GATD1: variants seen among roughly 807,000 people sequenced by gnomAD.
GATD1 encodes glutamine amidotransferase class 1 domain containing 1.
GATD1 carries 23 observed loss-of-function variants against 25.9 expected under a neutral mutation model. The observed-to-expected ratio is 0.89, with a 90% CI of 0.64 to 1.26. The LOEUF is 1.26. Ranked by LOEUF, GATD1 falls within the 50% of genes most tolerant of loss-of-function variation. GATD1 has a pLI of 0.00. For synonymous variants in GATD1, 177 were observed against 134.6 expected, an observed-to-expected ratio of 1.31 and a Z score of -2.18; for missense variants, 347 against 312.5, an observed-to-expected ratio of 1.11 and a Z score of -0.83.
rs1863454685 is a variant in GATD1, at chr11:771,604, C to T, written c.451-178G>A. 21 of 1,379,890 alleles carry T rather than the reference C, an allele frequency of 1.5e-5. No homozygotes were observed. The South Asian group carries it at 3.3e-4, about 22-fold the overall frequency. 85.5% of individuals were successfully genotyped at this position (1,379,890 alleles called of 1,614,324 possible). A position where few individuals can be genotyped will look rare whatever the true frequency, so the allele number is the denominator to read the frequency against. On this transcript the variant is annotated intron_variant, in intron 5 of 7. Coordinates refer to ENST00000319863, the MANE Select transcript of GATD1 (RefSeq NM_182612.4). Reference sequence around the variant, plus strand: ...GGGCGGAGAGATGACAAAGTCTAGCCATCTTCCCATGGGGTGTCCCTGAGA... The same window carrying T: ...GGGCGGAGAGATGACAAAGTCTAGCTATCTTCCCATGGGGTGTCCCTGAGA...
At chr11:772,393 G>A (rs1863535515) in intron 5 of GATD1, 34 bp downstream of exon 5, 1 of 1,511,708 alleles carries the variant, frequency 6.6e-7, no homozygotes, top group Non-Finnish European at 9.2e-7. Flanking sequence ...GACAGAGCAG[G>A]GAGCACAGCG....
At chr11:777,193 GCGACCCCACCCCCGCCCC>G (rs1308935706) in intron 1 of GATD1, 188 bp downstream of exon 1, 2 of 68,224 alleles carry the variant, frequency 2.9e-5, no homozygotes, top group African/African-American at 6.8e-5. Context: ...CCACCAACCC[GCGACCCCACCCCCGCCCC>G]CGTCCCCGCC....
rs992016608 is a variant in GATD1 at position 771,120 on chromosome 11, G to C, written c.545-16C>G. 6.3e-7 allele frequency: 1 copy of C among 1,574,934 alleles called. No individual in the cohort carries two copies. Among genetic ancestry groups the C allele is most frequent in the Non-Finnish European group, 8.6e-7 (1 of 1,163,628 alleles). On this transcript the variant is annotated splice_polypyrimidine_tract_variant and intron_variant, in intron 6 of 7. Transcript: ENST00000319863. ...GGCTCGCTTGCTGGGGAGGACCGAG[G>C]GCACCAACCTCAGGCAATGTCCACC... is the stretch of plus-strand genomic sequence containing the variant.
rs1471792508 is a variant in GATD1 at position 769,865 on chromosome 11, C to G, written c.*1032G>C. The G allele has an allele frequency of 5.3e-6, 5 of 936,170 alleles. No individual in the cohort carries two copies. In the South Asian group the frequency reaches 1.5e-4, roughly 28 times the overall value. The allele number at this position is 936,170 out of a possible 1,614,324, so 58.0% of individuals were successfully genotyped here. A position where few individuals can be genotyped will look rare whatever the true frequency, so the allele number is the denominator to read the frequency against. Reference sequence around the variant, plus strand: ...TCTCCTGACCTCGTGATCCGCCCGCCTCGGCCTCCCAAAGTGCTGGGGTTA... The same window carrying G: ...TCTCCTGACCTCGTGATCCGCCCGCGTCGGCCTCCCAAAGTGCTGGGGTTA... On this transcript the variant is annotated 3_prime_UTR_variant, in exon 8 of 8. Coordinates refer to ENST00000319863, the MANE Select transcript of GATD1 (RefSeq NM_182612.4).
Position 770,826 on chromosome 11 carries a change from C to A in GATD1, c.*71G>T. ...TTGTCAGGAGGGAAGAGGCGGGGTC[C>A]CTGAAGCCTGAGACGGGGCTGCCTC... On this transcript the variant is annotated 3_prime_UTR_variant, in exon 8 of 8. Transcript: ENST00000319863. The A allele has an allele frequency of 6.4e-7, 1 of 1,554,128 alleles. No homozygotes were observed. The highest frequency in any genetic ancestry group is 1.2e-5 in the South Asian group (1 of 81,688).
At position 770,552 on chromosome 11, in the gene GATD1, TGTCTA is replaced by T; in HGVS notation, c.*340_*344del. On this transcript the variant is annotated 3_prime_UTR_variant, in exon 8 of 8. Coordinates refer to ENST00000319863, the MANE Select transcript of GATD1 (RefSeq NM_182612.4). ...ACACAGAGGACCCCCGAGCCGACTCTGTCTAGTCAACAGTGACCACACGTGACAAC... is the reference window on the plus strand; with the variant it reads ...ACACAGAGGACCCCCGAGCCGACTCTGTCAACAGTGACCACACGTGACAAC... 1 of 1,411,628 alleles carries T rather than the reference TGTCTA, an allele frequency of 7.1e-7. No individual in the cohort carries two copies. Among genetic ancestry groups the T allele is most frequent in the Non-Finnish European group, 9.2e-7 (1 of 1,084,948 alleles). The allele number at this position is 1,411,628 out of a possible 1,614,324, so 87.4% of individuals were successfully genotyped here. A position where few individuals can be genotyped will look rare whatever the true frequency, so the allele number is the denominator to read the frequency against.
chr11:776,965 C>A (rs966494477), intron 1 of GATD1: 1 of 154,468 alleles, frequency 6.5e-6, no homozygotes, highest in Non-Finnish European at 1.4e-5. Flanking sequence ...GTCCCCGCGG[C>A]CGCCCGACCT....
chr11:772,353 C>A lies in GATD1; in HGVS notation c.450+74G>T, dbSNP rs185508071. On this transcript the variant is annotated intron_variant, in intron 5 of 7. Coordinates refer to ENST00000319863, the MANE Select transcript of GATD1 (RefSeq NM_182612.4). The stretch of plus-strand genomic sequence containing the variant: ...CCTCCAGGCACTCACCCTGGAGCCT[C>A]CGACCTCACCTCTGGCTGTGATGGG... 1.3e-3 allele frequency: 1,207 copies of A among 927,978 alleles called. 21 individuals carry two copies. In the African/African-American group the frequency reaches 0.018, roughly 14 times the overall value. The allele number at this position is 927,978 out of a possible 1,614,324, so 57.5% of individuals were successfully genotyped here.
In GATD1 at chr11:770,085, T is replaced by C. The variant is rs981753693; in HGVS notation, c.*812A>G. The C allele has an allele frequency of 7.5e-6, 9 of 1,204,440 alleles. No individual in the cohort carries two copies. The highest frequency in any genetic ancestry group is 9.3e-6 in the Non-Finnish European group (9 of 970,698). 74.6% of individuals were successfully genotyped at this position (1,204,440 alleles called of 1,614,324 possible). On this transcript the variant is annotated 3_prime_UTR_variant, in exon 8 of 8. Coordinates refer to ENST00000319863, the MANE Select transcript of GATD1 (RefSeq NM_182612.4). ...GGAAGTAGAGGGCCTAAGCCTCTCC[T>C]GGACGCCCTAACCTGGGGCCAGGGG...
In GATD1 at chr11:769,858, C is replaced by T. The variant is rs910058529; in HGVS notation, c.*1039G>A. On this transcript the variant is annotated 3_prime_UTR_variant, in exon 8 of 8. Coordinates refer to ENST00000319863, the MANE Select transcript of GATD1 (RefSeq NM_182612.4). Reference sequence around the variant, plus strand: ...GTCTCGATCTCCTGACCTCGTGATCCGCCCGCCTCGGCCTCCCAAAGTGCT... The same window carrying T: ...GTCTCGATCTCCTGACCTCGTGATCTGCCCGCCTCGGCCTCCCAAAGTGCT... 29 of 898,514 alleles carry T rather than the reference C, an allele frequency of 3.2e-5. No individual in the cohort carries two copies. Among genetic ancestry groups the T allele is most frequent in the South Asian group, 1.5e-4 (3 of 19,654 alleles). The allele number at this position is 898,514 out of a possible 1,614,324, so 55.7% of individuals were successfully genotyped here.
chr11:775,599 T>C (rs1197317247), intron 1 of GATD1, among the ~76,000 whole-genome samples: 1 of 152,142 alleles, frequency 6.6e-6, no homozygotes, highest in African/African-American at 2.4e-5. Flanking sequence ...GCTCATCCTC[T>C]CACTGAACCA....
rs542242381 is a variant in GATD1 at position 769,223 on chromosome 11, G to T, written c.*1674C>A. 1,453 of 985,514 alleles carry T rather than the reference G, an allele frequency of 1.5e-3. 1 individual carries two copies. The highest frequency in any genetic ancestry group is 1.6e-3 in the Non-Finnish European group (1,354 of 829,952). 61.0% of individuals were successfully genotyped at this position (985,514 alleles called of 1,614,324 possible). On this transcript the variant is annotated 3_prime_UTR_variant, in exon 8 of 8. Coordinates refer to ENST00000319863, the MANE Select transcript of GATD1 (RefSeq NM_182612.4). ...GCTAAGTGGGCATCCTGACTAATCT[G>T]CGAGGCACTGGAGGGACGCAGCCTT...
rs1287651924 is a variant in GATD1, at chr11:768,277, T to C, written c.*2620A>G. ...TGAGGTCAAGAGATCGAGACCATCC[T>C]GGCCAACATGGTGAAACCCCGTCTC... On this transcript the variant is annotated 3_prime_UTR_variant, in exon 8 of 8. Coordinates refer to ENST00000319863, the MANE Select transcript of GATD1 (RefSeq NM_182612.4). The C allele has an allele frequency of 6.7e-6, 1 of 148,696 alleles. No homozygotes were observed. The highest frequency in any genetic ancestry group is 2.2e-4 in the East Asian group (1 of 4,644). The allele number at this position is 148,696 out of a possible 1,614,324, so 9.2% of individuals were successfully genotyped here. A position where few individuals can be genotyped will look rare whatever the true frequency, so the allele number is the denominator to read the frequency against.
At position 767,361 on chromosome 11, in the gene GATD1, C is replaced by G. The variant is rs1434892447; in HGVS notation, c.*3536G>C. ...CTCCTCTGCCCCAGCCTGGTGCTGC[C>G]CCAAGCCCTGCCCTGGCAAAGAGAG... On this transcript the variant is annotated 3_prime_UTR_variant, in exon 8 of 8. Coordinates refer to ENST00000319863, the MANE Select transcript of GATD1 (RefSeq NM_182612.4). The G allele has an allele frequency of 5.2e-6, 8 of 1,536,044 alleles. No individual in the cohort carries two copies. Among genetic ancestry groups the G allele is most frequent in the Non-Finnish European group, 7.0e-6 (8 of 1,146,874 alleles).
intron 5 of GATD1, 108 bp downstream of exon 5, chr11:772,319 G>T: frequency 1.4e-6 from 1 of 737,124 alleles, no homozygotes; most frequent in South Asian, 1.5e-5. Context: ...GGAGCACAGC[G>T]TGCCTCGGCC....
chr11:776,840 T>G (rs564235776), intron 1 of GATD1: 4 of 152,332 alleles, frequency 2.6e-5, no homozygotes, highest in African/African-American at 9.6e-5. Context: ...CCGACCCGCG[T>G]GAGCCCCAGG....
At position 775,655 on chromosome 11, in the gene GATD1, C is replaced by A. The variant is rs563062365; in HGVS notation, c.65-513G>T. On this transcript the variant is annotated intron_variant, in intron 1 of 7. Transcript: ENST00000319863. ...GCACCATGGAGAACGCAGAAGTGTC[C>A]TGGCCCCCCCTCACCCCTTCCAGGG... Among the ~76,000 whole-genome samples the A allele has an allele frequency of 2.0e-5, 3 of 152,350 alleles. No homozygotes were observed. The East Asian group carries it at 5.8e-4, about 29-fold the overall frequency.
chr11:774,926 G>C, intron 2 of GATD1, 140 bp downstream of exon 2: 2 of 693,210 alleles, frequency 2.9e-6, no homozygotes, highest in South Asian at 1.9e-5. Context: ...ACCAGGGTTT[G>C]GTTACAGACT....
chr11:770,907 C>A lies in GATD1; in HGVS notation c.657-4G>T, dbSNP rs1432892998. On this transcript the variant is annotated splice_region_variant and splice_polypyrimidine_tract_variant and intron_variant, in intron 7 of 7. Transcript: ENST00000319863. ...ATCTACCCAGCAGGTTCATTTCCTG[C>A]AGGACAGACGTGTGGTCAAAGCTTG... 1 of 1,609,554 alleles carries A rather than the reference C, an allele frequency of 6.2e-7. No homozygotes were observed. The highest frequency in any genetic ancestry group is 1.3e-5 in the African/African-American group (1 of 74,890).
Sources: allele counts gnomAD v4.1 joint callset (sites outside exome capture counted in the v4.1 genomes callset), GRCh38; gene constraint gnomAD v4.1.1; transcripts MANE v1.5; gene names NCBI Gene and HGNC (gene_info 2026-07-23, HGNC 2026-07-21).